CLTCL1: variants seen among roughly 807,000 people sequenced by gnomAD.
The protein encoded by CLTCL1 is clathrin heavy chain 2.
A neutral mutation model predicts 190.0 loss-of-function variants in CLTCL1; 159 were observed. That is an observed-to-expected ratio of 0.84 (90% CI 0.74 to 0.95). The LOEUF (loss-of-function observed/expected upper bound fraction) is 0.95, where lower values mean the gene tolerates loss of function less well. CLTCL1 is among the 40% of genes least tolerant of loss of function. The probability of loss-of-function intolerance (pLI) is 0.00; values close to 1 mark genes in which losing one functional copy is unlikely to be tolerated. For missense variants in CLTCL1, 1,878 were observed against 2,033.4 expected (o/e 0.92, Z 1.47); for synonymous variants, 752 against 769.6 (o/e 0.98, Z 0.38).
At chr22:19,235,614 C>T (rs781969437) in intron 6 of CLTCL1, 82 bp downstream of exon 6, 158 of 1,371,696 alleles carry the variant, frequency 1.2e-4, no homozygotes, top group Non-Finnish European at 1.4e-4. Context: ...CACCCAGCTG[C>T]TTTCCTAGAG....
intron 24 of CLTCL1, among the ~76,000 whole-genome samples, chr22:19,197,959 AGC>A (rs2146297664): frequency 6.6e-6 from 1 of 152,238 alleles, no homozygotes; most frequent in East Asian, 1.9e-4. Context: ...TCACTGCTCT[AGC>A]TAGGCCCCTC....
chr22:19,229,561 G>T (rs1555957710), intron 11 of CLTCL1, among the ~76,000 whole-genome samples: 1 of 152,162 alleles, frequency 6.6e-6, no homozygotes, highest in Non-Finnish European at 1.5e-5. Flanking sequence ...CTTAAAAGTT[G>T]TTAAAATGGT....
intron 29 of CLTCL1, chr22:19,184,322 T>C: frequency 2.7e-6 from 1 of 377,324 alleles, no homozygotes; most frequent in East Asian, 7.5e-5. Flanking sequence ...ATCCACTGAC[T>C]GTGACCTGTG....
intron 26 of CLTCL1, among the ~76,000 whole-genome samples, chr22:19,192,258 G>A (rs1453310488): frequency 6.6e-6 from 1 of 151,898 alleles, no homozygotes; most frequent in Admixed American, 6.6e-5. Flanking sequence ...GTAGAGCCGG[G>A]GTTTCACCGT....
intron 22 of CLTCL1, among the ~76,000 whole-genome samples, chr22:19,202,428 A>C (rs1555940324): frequency 1.5e-4 from 22 of 146,492 alleles, no homozygotes; most frequent in Admixed American, 2.8e-4. Flanking sequence ...CTCCCGCACC[A>C]CCCCTCCTTC....
intron 30 of CLTCL1, chr22:19,183,134 G>A: frequency 2.1e-6 from 1 of 477,732 alleles, no homozygotes. Flanking sequence ...CATTGGGACA[G>A]CTGCCCAGCC....
intron 24 of CLTCL1, among the ~76,000 whole-genome samples, chr22:19,197,931 A>G (rs551192558): frequency 1.9e-4 from 29 of 152,190 alleles, no homozygotes; most frequent in Non-Finnish European, 3.8e-4. Context: ...GATCACCTAT[A>G]TGTCAGCAAC....
Position 19,249,860 on chromosome 22 carries a change from TAAAA to T in CLTCL1, c.519+4095_519+4098del, listed in dbSNP as rs782406842. The T allele has an allele frequency of 8.3e-4, 319 of 383,736 alleles. 1 individual carries two copies. Among genetic ancestry groups the T allele is most frequent in the Non-Finnish European group, 1.2e-3 (232 of 191,940 alleles). The allele number at this position is 383,736 out of a possible 1,614,324, so 23.8% of individuals were successfully genotyped here. A position where few individuals can be genotyped will look rare whatever the true frequency, so the allele number is the denominator to read the frequency against. ...AACCATCAAAGCTGATTTTGAAACT[TAAAA>T]AAAAAATCGCCAGGTACCATGCAAA... On this transcript the variant is annotated intron_variant, in intron 3 of 32. Coordinates refer to ENST00000427926, the MANE Select transcript of CLTCL1 (RefSeq NM_007098.4).
At chr22:19,254,725 T>A (rs2086696111) in intron 2 of CLTCL1, among the ~76,000 whole-genome samples, 1 of 152,250 alleles carries the variant, frequency 6.6e-6, no homozygotes, top group African/African-American at 2.4e-5. Context: ...ATTCTATATT[T>A]GTATCCATCA....
At chr22:19,183,338 G>A (rs1265207454) in intron 30 of CLTCL1, 52 bp downstream of exon 30, 45 of 1,516,354 alleles carry the variant, frequency 3.0e-5, no homozygotes, top group Non-Finnish European at 4.0e-5. Flanking sequence ...CACTGCCAGG[G>A]TTGGGTCATG....
intron 26 of CLTCL1, among the ~76,000 whole-genome samples, chr22:19,192,063 CTTTTTTT>C (rs782761355): frequency 8.5e-6 from 1 of 118,338 alleles, no homozygotes; most frequent in Non-Finnish European, 1.7e-5. Context: ...GCGATGTCAT[CTTTTTTT>C]TTTTTTTTTT....
chr22:19,187,327 C>G lies in CLTCL1; in HGVS notation c.4605+231G>C, dbSNP rs2084346140. On this transcript the variant is annotated intron_variant, in intron 29 of 32. Transcript: ENST00000427926. ...AAAGAATCAACTCCGTAAAACTCTACAAGTCTTTCAATCCAAACAGTTTTT... is the reference window on the plus strand; with the variant it reads ...AAAGAATCAACTCCGTAAAACTCTAGAAGTCTTTCAATCCAAACAGTTTTT... 7.3e-5 allele frequency among the ~76,000 whole-genome samples: 11 copies of G among 150,758 alleles called. No individual in the cohort carries two copies. In the Admixed American group the frequency reaches 7.3e-4, roughly 10 times the overall value.
intron 2 of CLTCL1, among the ~76,000 whole-genome samples, chr22:19,272,246 A>G (rs1302609951): frequency 2.0e-5 from 3 of 152,222 alleles, no homozygotes; most frequent in Non-Finnish European, 4.4e-5. Context: ...TTTAAGTCAA[A>G]GGCAAAATGT....
intron 2 of CLTCL1, among the ~76,000 whole-genome samples, chr22:19,254,752 T>A (rs1354066361): frequency 6.6e-6 from 1 of 152,262 alleles, no homozygotes; most frequent in African/African-American, 2.4e-5. Context: ...ATAATAGCTA[T>A]ATGTGGCTAC....
At position 19,289,341 on chromosome 22, in the gene CLTCL1, C is replaced by T. The variant is rs149287968; in HGVS notation, c.42+2259G>A. Among the ~76,000 whole-genome samples the T allele has an allele frequency of 6.6e-3, 998 of 152,214 alleles. 6 individuals carry two copies. The highest frequency in any genetic ancestry group is 9.6e-3 in the Non-Finnish European group (656 of 68,030). On this transcript the variant is annotated intron_variant, in intron 1 of 32. Coordinates refer to ENST00000427926, the MANE Select transcript of CLTCL1 (RefSeq NM_007098.4). ...TGCAGCCTGCTTTTGTATGGCTAAA[C>T]TAAAAGTCTTTTTCATATTTTTAGA...
In CLTCL1 at chr22:19,201,236, C is replaced by T. The variant is rs1200277689; in HGVS notation, c.3765+93G>A. 9.2e-6 allele frequency: 13 copies of T among 1,407,592 alleles called. No individual in the cohort carries two copies. In the East Asian group the frequency reaches 2.5e-4, roughly 27 times the overall value. The allele number at this position is 1,407,592 out of a possible 1,614,324, so 87.2% of individuals were successfully genotyped here. On this transcript the variant is annotated intron_variant, in intron 23 of 32. Coordinates refer to ENST00000427926, the MANE Select transcript of CLTCL1 (RefSeq NM_007098.4). ...TTCAGACCCCTGCCTGGGCAAGAGA[C>T]CGGCACCCAGAAGAGTACCGAGCAG... is the stretch of plus-strand genomic sequence containing the variant.
rs371503410 is a variant in CLTCL1, at chr22:19,222,385, C to T, written c.2419-292G>A. On this transcript the variant is annotated intron_variant, in intron 15 of 32. Coordinates refer to ENST00000427926, the MANE Select transcript of CLTCL1 (RefSeq NM_007098.4). ...AGTGCACATGCACAGAGGAAAGGCC[C>T]TGTGAGGGCACAGCCAGGAGGCTGT... 5.7e-4 allele frequency among the ~76,000 whole-genome samples: 87 copies of T among 152,330 alleles called. 1 individual carries two copies. Among genetic ancestry groups the T allele is most frequent in the African/African-American group, 2.0e-3 (83 of 41,570 alleles).
intron 19 of CLTCL1, among the ~76,000 whole-genome samples, chr22:19,211,776 A>AC (rs1233440564): frequency 1.3e-5 from 2 of 149,452 alleles, no homozygotes; most frequent in Non-Finnish European, 3.0e-5. Flanking sequence ...CAAAAAAAAA[A>AC]AAAAAAACAA....
Position 19,209,063 on chromosome 22 carries a change from T to G in CLTCL1, c.3301A>C (p.Arg1101=). The G allele has an allele frequency of 6.2e-7, 1 of 1,609,928 alleles. No individual in the cohort carries two copies. The highest frequency in any genetic ancestry group is 8.5e-7 in the Non-Finnish European group (1 of 1,178,016). ...NLDRAYEFAE[R]CNEPAVWSQL... ...CTCCACACAGCAGGCTCATTGCATCTCTCCGCAAACTCATATGCCCGGTCC... is the reference window on the plus strand; with the variant it reads ...CTCCACACAGCAGGCTCATTGCATCGCTCCGCAAACTCATATGCCCGGTCC... Residue 1101 remains arginine, a synonymous_variant, in exon 21 of 33, where the codon AGA becomes CGA. Transcript: ENST00000427926.
Sources: allele counts gnomAD v4.1 joint callset (sites outside exome capture counted in the v4.1 genomes callset), GRCh38; gene constraint gnomAD v4.1.1; transcripts MANE v1.5; gene names NCBI Gene and HGNC (gene_info 2026-07-23, HGNC 2026-07-21).